The following ADK variants were observed in gnomAD, a reference collection of about 807,000 sequenced individuals.
ADK encodes adenosine kinase, also known as N6,N6-dimethyladenosine kinase.
ADK carries 24 observed loss-of-function variants against 44.7 expected under a neutral mutation model. The observed-to-expected ratio is 0.54, with a 90% CI of 0.39 to 0.76. ADK has a LOEUF of 0.76. Ranked by LOEUF, ADK falls within the 30% of genes least tolerant of loss-of-function variation. The pLI is 0.00. For missense variants in ADK, 321 were observed against 425.1 expected (o/e 0.76, Z 2.15); for synonymous variants, 128 against 142.6 (o/e 0.90, Z 0.73).
intron 6 of ADK, among the ~76,000 whole-genome samples, chr10:74,498,722 G>C (rs1847783360): frequency 6.6e-6 from 1 of 152,064 alleles, no homozygotes; most frequent in Non-Finnish European, 1.5e-5. Flanking sequence ...TCCCCTTCCT[G>C]TGTCCATGTG....
At chr10:74,564,621 A>T (rs1050026397) in intron 7 of ADK, among the ~76,000 whole-genome samples, 1 of 152,138 alleles carries the variant, frequency 6.6e-6, no homozygotes, top group African/African-American at 2.4e-5. Flanking sequence ...ATACTATAAT[A>T]CAGTCAGTTA....
chr10:74,299,100 A>C (rs549184047), intron 3 of ADK, among the ~76,000 whole-genome samples: 1 of 152,330 alleles, frequency 6.6e-6, no homozygotes, highest in Non-Finnish European at 1.5e-5. Flanking sequence ...TCGATGAAAC[A>C]TCTGCAGACG....
At chr10:74,310,570 T>C (rs1050412482) in intron 3 of ADK, among the ~76,000 whole-genome samples, 87 of 152,158 alleles carry the variant, frequency 5.7e-4, no homozygotes, top group African/African-American at 2.0e-3. Context: ...CTCTATCCTG[T>C]CTTTCGTATG....
intron 6 of ADK, chr10:74,509,567 A>C (rs1204185310): frequency 6.6e-6 from 1 of 152,334 alleles, no homozygotes; most frequent in East Asian, 1.9e-4. Flanking sequence ...TCAAACATTT[A>C]TCATTTCTTT....
At chr10:74,666,413 G>C (rs1854957977) in intron 9 of ADK, among the ~76,000 whole-genome samples, 1 of 152,092 alleles carries the variant, frequency 6.6e-6, no homozygotes, top group African/African-American at 2.4e-5. Flanking sequence ...GCTTGGGGAA[G>C]CTTATGATTT....
chr10:74,237,823 G>A (rs1845029239), intron 3 of ADK, among the ~76,000 whole-genome samples: 1 of 152,098 alleles, frequency 6.6e-6, no homozygotes, highest in African/African-American at 2.4e-5. Context: ...AAGGGGCCAG[G>A]CATGGTGGCT....
chr10:74,665,032 A>G (rs978696936), intron 9 of ADK, among the ~76,000 whole-genome samples: 42 of 152,312 alleles, frequency 2.8e-4, no homozygotes, highest in African/African-American at 9.9e-4. Context: ...TACACACTGA[A>G]GTATTAAGGG....
chr10:74,457,262 C>A (rs749068883), intron 6 of ADK, among the ~76,000 whole-genome samples: 6 of 152,160 alleles, frequency 3.9e-5, no homozygotes, highest in African/African-American at 9.7e-5. Flanking sequence ...TCAGATACCC[C>A]CTCCCAAGAC....
chr10:74,424,455 A>G (rs1844709127), intron 6 of ADK, among the ~76,000 whole-genome samples: 1 of 137,380 alleles, frequency 7.3e-6, no homozygotes, highest in African/African-American at 2.7e-5. Flanking sequence ...AATTGCTTGA[A>G]CCTGGGAGGT....
chr10:74,306,038 T>G (rs769402530), intron 3 of ADK, among the ~76,000 whole-genome samples: 1 of 152,124 alleles, frequency 6.6e-6, no homozygotes, highest in Non-Finnish European at 1.5e-5. Context: ...CCATTATTTT[T>G]TCAATTTTTT....
chr10:74,483,679 T>C (rs896574734), intron 6 of ADK, among the ~76,000 whole-genome samples: 4 of 152,234 alleles, frequency 2.6e-5, no homozygotes, highest in African/African-American at 9.6e-5. Context: ...GGATACATCT[T>C]GAATGTTTTG....
intron 6 of ADK, among the ~76,000 whole-genome samples, chr10:74,485,465 A>AT (rs1847232952): frequency 1.4e-5 from 1 of 69,828 alleles, no homozygotes; most frequent in African/African-American, 5.4e-5. Flanking sequence ...CTGTCTCAAA[A>AT]TAAATAAATA....
intron 3 of ADK, among the ~76,000 whole-genome samples, chr10:74,296,904 G>C (rs1438372361): frequency 6.6e-6 from 1 of 152,036 alleles, no homozygotes. Flanking sequence ...GTGAGTCATC[G>C]CGCCCGGCCC....
intron 6 of ADK, among the ~76,000 whole-genome samples, chr10:74,473,780 C>G (rs1315901600): frequency 6.6e-6 from 1 of 152,140 alleles, no homozygotes; most frequent in Admixed American, 6.5e-5. Flanking sequence ...TTGTTCCTTT[C>G]CATATACAGT....
rs1039325831 is a variant in ADK, at chr10:74,348,591, C to A, written c.273+33846C>A. Among the ~76,000 whole-genome samples, 6 of 151,330 alleles carry A rather than the reference C, an allele frequency of 4.0e-5. No individual in the cohort carries two copies. In the South Asian group the frequency reaches 1.2e-3, roughly 32 times the overall value. On this transcript the variant is annotated intron_variant, in intron 4 of 10. Coordinates refer to ENST00000539909, the MANE Select transcript of ADK (RefSeq NM_006721.4). ...AAAACTGGACGGAGCAACCCCAAGA[C>A]ACCTAATAGTCAGATTCTCCTCTGA...
intron 7 of ADK, among the ~76,000 whole-genome samples, chr10:74,559,134 T>G (rs1019049022): frequency 1.3e-5 from 2 of 152,170 alleles, no homozygotes; most frequent in Non-Finnish European, 2.9e-5. Flanking sequence ...GAAGCTGGTG[T>G]TGTGGGGGCC....
intron 1 of ADK, among the ~76,000 whole-genome samples, chr10:74,155,036 C>A (rs1171108410): frequency 2.3e-4 from 35 of 152,132 alleles, no homozygotes; most frequent in Admixed American, 2.3e-3. Flanking sequence ...AGGATCATGA[C>A]TTTTAATAGT....
intron 7 of ADK, among the ~76,000 whole-genome samples, chr10:74,565,244 C>T (rs1850615106): frequency 6.6e-6 from 1 of 152,154 alleles, no homozygotes; most frequent in South Asian, 2.1e-4. Flanking sequence ...TTCAGCCAAG[C>T]TCTAGTAGCA....
intron 4 of ADK, among the ~76,000 whole-genome samples, chr10:74,383,414 C>CTCTG (rs1564689625): frequency 1.8e-4 from 10 of 57,056 alleles, no homozygotes; most frequent in Middle Eastern, 0.014. Context: ...CTCTGTCTCT[C>CTCTG]TCTCTCTCTC....
Sources: allele counts gnomAD v4.1 joint callset (sites outside exome capture counted in the v4.1 genomes callset), GRCh38; gene constraint gnomAD v4.1.1; transcripts MANE v1.5; gene names NCBI Gene and HGNC (gene_info 2026-07-23, HGNC 2026-07-21).